The following FGF12 variants were observed in gnomAD, a reference collection of about 807,000 sequenced individuals.
The protein encoded by FGF12 is fibroblast growth factor 12.
Under a neutral mutation model 23.6 loss-of-function variants are expected in FGF12, and 14 were observed. The ratio of observed to expected loss-of-function variants is 0.59; its 90% confidence interval spans 0.39 to 0.93. The LOEUF is 0.93. FGF12 is among the 40% of genes least tolerant of loss of function. The probability of loss-of-function intolerance (pLI) is 0.00; values close to 1 mark genes in which losing one functional copy is unlikely to be tolerated. For synonymous variants in FGF12, 62 were observed against 77.3 expected, an observed-to-expected ratio of 0.80 and a Z score of 1.04; for missense variants, 175 against 217.8, an observed-to-expected ratio of 0.80 and a Z score of 1.24.
intron 2 of FGF12, among the ~76,000 whole-genome samples, chr3:192,571,085 GAA>G (rs377476462): frequency 0.15 from 22,841 of 152,182 alleles, 2,102 homozygotes; most frequent in Middle Eastern, 0.33. Context: ...GTGTTGGGGG[GAA>G]AAAACAAACC....
Position 192,408,816 on chromosome 3 carries a change from GGC to G in FGF12, c.14-48280_14-48279del, listed in dbSNP as rs1721076397. ...CAACCGCACGAGAGAAGGAGAGGAA[GGC>G]AGCAATTTAACTCCCTGCGGCCCGC... On this transcript the variant is annotated intron_variant, in intron 2 of 5. Coordinates refer to ENST00000445105, the MANE Select transcript of FGF12 (RefSeq NM_004113.6). The surrounding 1 kb of genome is among the most constrained non-coding windows in gnomAD (Gnocchi z 7.3). The G allele has an allele frequency of 1.0e-6, 1 of 985,636 alleles. No homozygotes were observed. Among genetic ancestry groups the G allele is most frequent in the African/African-American group, 1.7e-5 (1 of 57,226 alleles). 61.1% of individuals were successfully genotyped at this position (985,636 alleles called of 1,614,324 possible). A position where few individuals can be genotyped will look rare whatever the true frequency, so the allele number is the denominator to read the frequency against.
intron 4 of FGF12, among the ~76,000 whole-genome samples, chr3:192,242,274 C>T (rs866497287): frequency 6.6e-6 from 1 of 152,122 alleles, no homozygotes; most frequent in Non-Finnish European, 1.5e-5. Flanking sequence ...ATTTCCACTT[C>T]GGTACTTAAG....
At chr3:192,565,839 C>A (rs559075436) in intron 2 of FGF12, among the ~76,000 whole-genome samples, 7 of 152,352 alleles carry the variant, frequency 4.6e-5, no homozygotes, top group African/African-American at 1.4e-4. Context: ...GTAATCCCAG[C>A]ACTTTGGGAG....
chr3:192,213,056 A>T (rs2108680878), intron 4 of FGF12, among the ~76,000 whole-genome samples: 1 of 152,308 alleles, frequency 6.6e-6, no homozygotes, highest in Non-Finnish European at 1.5e-5. Context: ...TCAGGTTATG[A>T]TGTGCCAATC....
intron 2 of FGF12, among the ~76,000 whole-genome samples, chr3:192,376,411 A>G (rs538634324): frequency 1.3e-5 from 2 of 151,930 alleles, no homozygotes; most frequent in South Asian, 2.1e-4. Context: ...TGCCCAGGCT[A>G]GAGTGCAATG....
At chr3:192,327,174 A>G (rs1716862337) in intron 4 of FGF12, among the ~76,000 whole-genome samples, 1 of 152,180 alleles carries the variant, frequency 6.6e-6, no homozygotes, top group Admixed American at 6.6e-5. Context: ...CTCCTCACAG[A>G]GTTGCGGTGA....
chr3:192,331,311 CA>C (rs201997868), intron 4 of FGF12, among the ~76,000 whole-genome samples: 8,815 of 95,866 alleles, frequency 0.092, 129 homozygotes, highest in Non-Finnish European at 0.1. Flanking sequence ...GGAGTTTTCT[CA>C]AAAAAAAAAA....
chr3:192,453,610 A>AT (rs1325883442), intron 2 of FGF12, among the ~76,000 whole-genome samples: 1 of 152,196 alleles, frequency 6.6e-6, no homozygotes, highest in East Asian at 1.9e-4. Context: ...TTAGAAAATG[A>AT]TTAACTATGT....
At chr3:192,303,874 A>T (rs1173936235) in intron 4 of FGF12, among the ~76,000 whole-genome samples, 1 of 152,210 alleles carries the variant, frequency 6.6e-6, no homozygotes, top group Non-Finnish European at 1.5e-5. Context: ...GAAACTGTCA[A>T]GCTTCATGTA....
chr3:192,229,285 A>G (rs1373372900), intron 4 of FGF12, among the ~76,000 whole-genome samples: 3 of 152,056 alleles, frequency 2.0e-5, no homozygotes, highest in Admixed American at 6.6e-5. Flanking sequence ...TAAAATGTTT[A>G]TTTATATAAT....
intron 4 of FGF12, among the ~76,000 whole-genome samples, chr3:192,232,518 T>C (rs1719076414): frequency 6.7e-6 from 1 of 149,790 alleles, no homozygotes; most frequent in South Asian, 2.1e-4. Context: ...CACGTGTATT[T>C]ATTTATTTAT....
chr3:192,631,186 A>G (rs1237133702), intron 2 of FGF12, among the ~76,000 whole-genome samples: 1 of 152,062 alleles, frequency 6.6e-6, no homozygotes, highest in Admixed American at 6.6e-5. Context: ...AGTGTCCTCC[A>G]TCTATTTGCT....
chr3:192,361,039 C>A (rs551284322), intron 2 of FGF12, among the ~76,000 whole-genome samples: 36 of 152,062 alleles, frequency 2.4e-4, no homozygotes, highest in African/African-American at 8.2e-4. Context: ...TGGAGAAGAA[C>A]CACAGGCAAC....
intron 2 of FGF12, among the ~76,000 whole-genome samples, chr3:192,393,922 T>C (rs904581641): frequency 7.2e-5 from 11 of 152,190 alleles, no homozygotes; most frequent in African/African-American, 2.7e-4. Flanking sequence ...CTAAAAGGTA[T>C]ATCCCAAGTC....
chr3:192,663,427 G>C (rs1469150212), intron 2 of FGF12, among the ~76,000 whole-genome samples: 1 of 152,120 alleles, frequency 6.6e-6, no homozygotes. Flanking sequence ...GGGGTCCAAG[G>C]CTGGTGGGTG....
intron 2 of FGF12, among the ~76,000 whole-genome samples, chr3:192,683,084 A>G (rs2108709619): frequency 6.6e-6 from 1 of 152,294 alleles, no homozygotes; most frequent in Non-Finnish European, 1.5e-5. Flanking sequence ...TAATCCTAAT[A>G]CTTTACTGGG....
At chr3:192,436,597 C>CA (rs1037196031) in intron 2 of FGF12, among the ~76,000 whole-genome samples, 6 of 152,184 alleles carry the variant, frequency 3.9e-5, no homozygotes, top group African/African-American at 1.4e-4. Flanking sequence ...CAAAGCTCTC[C>CA]AGGTGTTTCT....
At chr3:192,239,024 C>T (rs1172039594) in intron 4 of FGF12, among the ~76,000 whole-genome samples, 3 of 152,218 alleles carry the variant, frequency 2.0e-5, no homozygotes, top group African/African-American at 7.2e-5. Context: ...TACAGGTTAA[C>T]ATTCCAATCC....
intron 2 of FGF12, among the ~76,000 whole-genome samples, chr3:192,573,372 G>T (rs1355880008): frequency 6.6e-6 from 1 of 152,170 alleles, no homozygotes; most frequent in Non-Finnish European, 1.5e-5. Context: ...TTTTGGATGA[G>T]ATTAACATTT....
Sources: allele counts gnomAD v4.1 joint callset (sites outside exome capture counted in the v4.1 genomes callset), GRCh38; gene constraint gnomAD v4.1.1; non-coding constraint Gnocchi (gnomAD v3.1); transcripts MANE v1.5; gene names NCBI Gene and HGNC (gene_info 2026-07-23, HGNC 2026-07-21).